Variants in UTRN observed in about 807,000 individuals in gnomAD.
UTRN encodes the protein utrophin.
In UTRN, 283 loss-of-function variants were observed where a neutral mutation model predicts 463.9. The ratio of observed to expected loss-of-function variants is 0.61; its 90% CI spans 0.55 to 0.67. The LOEUF is 0.67. UTRN is among the 30% of genes least tolerant of loss of function. The probability of loss-of-function intolerance (pLI) is 0.00; values close to 1 mark genes in which losing one functional copy is unlikely to be tolerated. For missense variants in UTRN, 3,922 were observed against 4,084.3 expected (o/e 0.96, Z 1.08); for synonymous variants, 1,442 against 1,431.5 (o/e 1.01, Z -0.17).
chr6:144,455,631 C>G (rs146026302), intron 19 of UTRN, among the ~76,000 whole-genome samples: 1 of 152,010 alleles, frequency 6.6e-6, no homozygotes, highest in Non-Finnish European at 1.5e-5. Context: ...GAAGTTGGTG[C>G]GAGGTGATGT....
chr6:144,679,565 C>A (rs554372389), intron 52 of UTRN, among the ~76,000 whole-genome samples: 92 of 152,176 alleles, frequency 6.0e-4, no homozygotes, highest in Non-Finnish European at 1.2e-3. Context: ...ATTTTATTTA[C>A]AAAATCAGAA....
At chr6:144,710,115 A>C (rs1300621929) in intron 53 of UTRN, among the ~76,000 whole-genome samples, 2 of 152,228 alleles carry the variant, frequency 1.3e-5, no homozygotes, top group African/African-American at 4.8e-5. Context: ...GGCTGTATCC[A>C]GAGGGAATAC....
At chr6:144,383,471 A>G (rs558082345) in intron 2 of UTRN, among the ~76,000 whole-genome samples, 2 of 152,352 alleles carry the variant, frequency 1.3e-5, no homozygotes, top group East Asian at 3.9e-4. Context: ...TTACCTGCTC[A>G]GGGAAACTGG....
chr6:144,458,074 C>T (rs1436197591), intron 19 of UTRN, among the ~76,000 whole-genome samples: 1 of 152,102 alleles, frequency 6.6e-6, no homozygotes, highest in Non-Finnish European at 1.5e-5. Flanking sequence ...TCAAAAATAT[C>T]GGACAAATAA....
intron 64 of UTRN, among the ~76,000 whole-genome samples, chr6:144,801,582 T>C (rs1777703784): frequency 6.6e-6 from 1 of 152,206 alleles, no homozygotes; most frequent in African/African-American, 2.4e-5. Flanking sequence ...TGCTAGAGTT[T>C]TTCACTAATT....
In UTRN at chr6:144,461,343, G is replaced by A; in HGVS notation, c.2853+1G>A. The A allele has an allele frequency of 6.4e-7, 1 of 1,559,390 alleles. No individual in the cohort carries two copies. Among genetic ancestry groups the A allele is most frequent in the Non-Finnish European group, 8.7e-7 (1 of 1,152,380 alleles). Reference sequence around the variant, plus strand: ...GGAGAAGGCCCTGCAAGAAAAAAAGGTAACATATATCTTCCATGTTAGAAC... The same window carrying A: ...GGAGAAGGCCCTGCAAGAAAAAAAGATAACATATATCTTCCATGTTAGAAC... On this transcript the variant is annotated splice_donor_variant, in intron 22 of 74. Transcript: ENST00000367545. LOFTEE classifies it high-confidence loss of function.
At chr6:144,702,616 A>G (rs1174175205) in intron 53 of UTRN, among the ~76,000 whole-genome samples, 3 of 152,170 alleles carry the variant, frequency 2.0e-5, no homozygotes, top group African/African-American at 7.2e-5. Context: ...CCAAGGTGCT[A>G]TTTTATATGG....
At chr6:144,542,721 C>T (rs573753453) in intron 45 of UTRN, 74 bp from the exon 46 acceptor site, 748 of 1,473,338 alleles carry the variant, frequency 5.1e-4, no homozygotes, top group Non-Finnish European at 6.3e-4. Flanking sequence ...TTCAGAATAA[C>T]ACCTCTTCTT....
At chr6:144,434,382 A>C (rs1387838419) in intron 9 of UTRN, among the ~76,000 whole-genome samples, 1 of 151,882 alleles carries the variant, frequency 6.6e-6, no homozygotes, top group African/African-American at 2.4e-5. Context: ...TTTTGAAGGA[A>C]GGTCAGAATT....
chr6:144,493,592 C>A, intron 33 of UTRN, 136 bp downstream of exon 33: 1 of 912,404 alleles, frequency 1.1e-6, no homozygotes, highest in Non-Finnish European at 1.6e-6. Context: ...TTATGAGATT[C>A]ATACGTGTTT....
At chr6:144,472,673 G>A (rs1790781749) in intron 23 of UTRN, among the ~76,000 whole-genome samples, 1 of 151,954 alleles carries the variant, frequency 6.6e-6, no homozygotes, top group African/African-American at 2.4e-5. Context: ...ATCAGTAGAA[G>A]ACCAGAGAAA....
At chr6:144,432,897 A>G (rs1355673578) in intron 9 of UTRN, among the ~76,000 whole-genome samples, 1 of 152,138 alleles carries the variant, frequency 6.6e-6, no homozygotes, top group Non-Finnish European at 1.5e-5. Context: ...CTTAACGAGC[A>G]TGCTGCCTTC....
At chr6:144,290,528 A>C (rs1804128230) in intron 1 of UTRN, among the ~76,000 whole-genome samples, 1 of 152,202 alleles carries the variant, frequency 6.6e-6, no homozygotes, top group Non-Finnish European at 1.5e-5. Context: ...ATGATGCCCC[A>C]TGATTGGTTA....
At chr6:144,300,917 A>G (rs890920185) in intron 2 of UTRN, among the ~76,000 whole-genome samples, 3 of 152,248 alleles carry the variant, frequency 2.0e-5, no homozygotes, top group African/African-American at 7.2e-5. Flanking sequence ...CAATTTCTTA[A>G]AGTGATTGTT....
intron 51 of UTRN, among the ~76,000 whole-genome samples, chr6:144,640,070 C>CAGATTGAGAGACAG (rs1554317935): frequency 2.0e-5 from 3 of 151,002 alleles, no homozygotes; most frequent in Admixed American, 6.6e-5. Flanking sequence ...GATTGAGAGA[C>CAGATTGAGAGACAG]AGAGAGAGAG....
intron 51 of UTRN, among the ~76,000 whole-genome samples, chr6:144,656,935 G>A (rs939909339): frequency 9.9e-5 from 15 of 152,276 alleles, no homozygotes; most frequent in South Asian, 4.1e-4. Context: ...GATCCACTGA[G>A]TTTTGTACTC....
At chr6:144,640,214 A>G (rs565690910) in intron 51 of UTRN, among the ~76,000 whole-genome samples, 2 of 152,330 alleles carry the variant, frequency 1.3e-5, no homozygotes, top group East Asian at 1.9e-4. Context: ...CTTAATATCA[A>G]GAACAAATTG....
intron 54 of UTRN, among the ~76,000 whole-genome samples, chr6:144,733,991 A>C (rs1789070289): frequency 1.3e-5 from 2 of 152,206 alleles, no homozygotes; most frequent in Non-Finnish European, 2.9e-5. Flanking sequence ...AGTTTGATGA[A>C]GAGTACATGA....
chr6:144,487,769 T>C lies in UTRN; in HGVS notation c.3972+72T>C, dbSNP rs769235737. The C allele has an allele frequency of 2.8e-6, 4 of 1,426,138 alleles. No homozygotes were observed. In the African/African-American group the frequency reaches 5.8e-5, roughly 21 times the overall value. 88.3% of individuals were successfully genotyped at this position (1,426,138 alleles called of 1,614,324 possible). On this transcript the variant is annotated intron_variant, in intron 29 of 74. Transcript: ENST00000367545. Reference sequence around the variant, plus strand: ...GGAGCTGGCCCTAAGCTCCATATCATAGAGCTTTAATGTTGGAAAAATCTT... The same window carrying C: ...GGAGCTGGCCCTAAGCTCCATATCACAGAGCTTTAATGTTGGAAAAATCTT...
Sources: allele counts gnomAD v4.1 joint callset (sites outside exome capture counted in the v4.1 genomes callset), GRCh38; gene constraint gnomAD v4.1.1; transcripts MANE v1.5; gene names NCBI Gene and HGNC (gene_info 2026-07-23, HGNC 2026-07-21).